GALNT13: variants seen among roughly 807,000 people sequenced by gnomAD.
GALNT13 encodes the protein UDP-GalNAc:polypeptide N-acetylgalactosaminyltransferase 13.
In GALNT13, 28 loss-of-function variants were observed where a neutral mutation model predicts 64.2. The ratio of observed to expected loss-of-function variants is 0.44; its 90% CI spans 0.32 to 0.60. The LOEUF (loss-of-function observed/expected upper bound fraction) is 0.60. GALNT13 is among the 20% of genes least tolerant of loss of function. The pLI is 0.05. For synonymous variants in GALNT13, 214 were observed against 224.6 expected, an observed-to-expected ratio of 0.95 and a Z score of 0.42; for missense variants, 577 against 669.8, an observed-to-expected ratio of 0.86 and a Z score of 1.53.
At chr2:153,132,232 A>G in the GALNT13 span, among the ~76,000 whole-genome samples, 2 of 152,182 alleles carry the variant, frequency 1.3e-5, no homozygotes, top group Non-Finnish European at 2.9e-5. Flanking sequence ...AGGTTTTCCA[A>G]TTTAAGCTGG....
At chr2:153,390,509 T>C in the GALNT13 span, among the ~76,000 whole-genome samples, 2 of 152,038 alleles carry the variant, frequency 1.3e-5, no homozygotes, top group Non-Finnish European at 2.9e-5. Flanking sequence ...ATGATAAAGA[T>C]CCATCCAAAT....
the GALNT13 span, among the ~76,000 whole-genome samples, chr2:153,800,078 CT>C: frequency 2.0e-5 from 3 of 150,508 alleles, no homozygotes; most frequent in African/African-American, 7.4e-5. Context: ...CTCTCTCTCT[CT>C]CTCTCCACCC....
the GALNT13 span, among the ~76,000 whole-genome samples, chr2:153,219,083 G>A: frequency 7.9e-5 from 12 of 152,290 alleles, no homozygotes; most frequent in South Asian, 8.3e-4. Context: ...TCATCTAAAT[G>A]TTCCTCTTGG....
intron 9 of GALNT13, among the ~76,000 whole-genome samples, chr2:154,392,075 C>T (rs944660308): frequency 4.0e-5 from 6 of 151,894 alleles, no homozygotes; most frequent in African/African-American, 1.2e-4. Flanking sequence ...TATGAATGAA[C>T]GTGGGATGTT....
At position 154,435,616 on chromosome 2, in the gene GALNT13, G is replaced by A. The variant is rs1452083682; in HGVS notation, c.1396-2976G>A. On this transcript the variant is annotated intron_variant, in intron 11 of 12. Coordinates refer to ENST00000392825, the MANE Select transcript of GALNT13 (RefSeq NM_052917.4). ...CATCAGGTATTATAAACTCTCTCTC[G>A]GGACTTGTGTAGTGGCCAAGGGTCA... is the stretch of plus-strand genomic sequence containing the variant. 3.9e-5 allele frequency among the ~76,000 whole-genome samples: 6 copies of A among 152,190 alleles called. No homozygotes were observed. In the East Asian group the frequency reaches 5.8e-4, roughly 15 times the overall value.
chr2:154,035,739 A>G (rs947346781), intron 3 of GALNT13, among the ~76,000 whole-genome samples: 2 of 152,064 alleles, frequency 1.3e-5, no homozygotes, highest in African/African-American at 2.4e-5. Context: ...GAATAATAAT[A>G]CATCATAACT....
the GALNT13 span, among the ~76,000 whole-genome samples, chr2:153,769,284 A>T: frequency 6.9e-3 from 1,053 of 152,232 alleles, 8 homozygotes; most frequent in African/African-American, 0.024. Context: ...AGTAGTGACA[A>T]ATTCCCTCAG....
chr2:154,005,554 A>T (rs887657798), intron 3 of GALNT13, among the ~76,000 whole-genome samples: 2 of 152,178 alleles, frequency 1.3e-5, no homozygotes, highest in South Asian at 4.1e-4. Context: ...ACTGGAATCT[A>T]CATTCAAGCT....
chr2:153,530,353 G>T, the GALNT13 span, among the ~76,000 whole-genome samples: 3 of 151,866 alleles, frequency 2.0e-5, no homozygotes, highest in Non-Finnish European at 4.4e-5. Context: ...CTAAAATATT[G>T]ATGAAAGAAA....
chr2:153,934,307 G>T (rs1043911447), intron 2 of GALNT13, among the ~76,000 whole-genome samples: 6 of 152,192 alleles, frequency 3.9e-5, no homozygotes, highest in African/African-American at 1.4e-4. Context: ...ACCAAGTTTA[G>T]TGAGTGTATC....
the GALNT13 span, among the ~76,000 whole-genome samples, chr2:153,557,233 T>C: frequency 6.6e-6 from 1 of 152,170 alleles, no homozygotes; most frequent in Non-Finnish European, 1.5e-5. Context: ...TACAGTAACA[T>C]GTTGTACAGA....
chr2:153,708,946 A>C, the GALNT13 span, among the ~76,000 whole-genome samples: 7 of 152,110 alleles, frequency 4.6e-5, no homozygotes, highest in Non-Finnish European at 8.8e-5. Flanking sequence ...AGAAGACTGA[A>C]ATTGGGCCTT....
At chr2:153,794,741 G>A in the GALNT13 span, among the ~76,000 whole-genome samples, 2 of 152,002 alleles carry the variant, frequency 1.3e-5, no homozygotes, top group African/African-American at 4.8e-5. Context: ...GGCTAGTCTC[G>A]AACTCCTGAC....
the GALNT13 span, among the ~76,000 whole-genome samples, chr2:153,540,773 C>A: frequency 2.0e-5 from 3 of 152,112 alleles, no homozygotes; most frequent in Non-Finnish European, 4.4e-5. Context: ...TTGCATGAGG[C>A]CTTTGGTTCT....
intron 9 of GALNT13, among the ~76,000 whole-genome samples, chr2:154,361,256 C>T (rs923590921): frequency 3.3e-5 from 5 of 152,174 alleles, no homozygotes; most frequent in South Asian, 2.1e-4. Flanking sequence ...TATCCATATA[C>T]GGTTTATATG....
chr2:153,775,503 G>C, the GALNT13 span, among the ~76,000 whole-genome samples: 1 of 151,988 alleles, frequency 6.6e-6, no homozygotes, highest in African/African-American at 2.4e-5. Flanking sequence ...TTATTAAATG[G>C]AAATCAGTCA....
chr2:154,438,978 G>T (rs1047661473), intron 12 of GALNT13, among the ~76,000 whole-genome samples: 1 of 152,066 alleles, frequency 6.6e-6, no homozygotes, highest in Non-Finnish European at 1.5e-5. Flanking sequence ...TTATCTCCAT[G>T]TACATGCCAA....
At chr2:153,528,023 G>A in the GALNT13 span, among the ~76,000 whole-genome samples, 4 of 151,600 alleles carry the variant, frequency 2.6e-5, no homozygotes, top group Non-Finnish European at 4.4e-5. Context: ...GAAGGGAGGG[G>A]GGACCACAAA....
the GALNT13 span, among the ~76,000 whole-genome samples, chr2:153,797,831 G>T: frequency 3.3e-5 from 5 of 152,170 alleles, no homozygotes; most frequent in African/African-American, 1.2e-4. Context: ...GCCCACTGAA[G>T]TATACCCATA....
Sources: gnomAD v4.1 joint callset for allele counts (sites outside exome capture counted in the v4.1 genomes callset) on GRCh38, gnomAD v4.1.1 for gene constraint, MANE v1.5 for transcripts, NCBI Gene and HGNC (gene_info 2026-07-23, HGNC 2026-07-21) for gene names.